Variants in GPAT3 observed in about 807,000 individuals in gnomAD.
The protein encoded by GPAT3 is glycerol-3-phosphate acyltransferase 3.
Under a neutral mutation model 58.8 loss-of-function variants are expected in GPAT3, and 53 were observed. The observed-to-expected ratio is 0.90, with a 90% CI of 0.72 to 1.13. The LOEUF is 1.13. GPAT3 is among the 50% of genes most tolerant of loss of function. The probability of loss-of-function intolerance (pLI) is 0.00; values close to 1 mark genes in which losing one functional copy is unlikely to be tolerated. For synonymous variants in GPAT3, 197 were observed against 187.4 expected (o/e 1.05, Z -0.42); for missense variants, 511 against 527.6 (o/e 0.97, Z 0.31).
chr4:83,549,540 A>G (rs962812957), intron 2 of GPAT3, among the ~76,000 whole-genome samples: 2 of 148,416 alleles, frequency 1.3e-5, no homozygotes, highest in Non-Finnish European at 3.0e-5. Flanking sequence ...ATATATTATT[A>G]TTATTTTTTT....
rs527299671 is a variant in GPAT3, at chr4:83,552,531, A to G, written c.208+7929A>G. ...GTTGATTTGGGAAGAATGGAATGAC[A>G]AAGTAAGGCATAGGTGGGGGTGCTT... On this transcript the variant is annotated intron_variant, in intron 2 of 11. Transcript: ENST00000264409. Among the ~76,000 whole-genome samples, 9 of 152,356 alleles carry G rather than the reference A, an allele frequency of 5.9e-5. No homozygotes were observed. The South Asian group carries it at 1.9e-3, about 32-fold the overall frequency.
intron 2 of GPAT3, among the ~76,000 whole-genome samples, chr4:83,570,505 C>T (rs1447091687): frequency 2.2e-5 from 3 of 135,170 alleles, no homozygotes; most frequent in South Asian, 2.3e-4. Context: ...CGGAGTCTTG[C>T]TCAGTCACTC....
rs571065419 is a variant in GPAT3 at position 83,568,262 on chromosome 4, A to T, written c.209-13300A>T. On this transcript the variant is annotated intron_variant, in intron 2 of 11. Transcript: ENST00000264409. The stretch of plus-strand genomic sequence containing the variant: ...TTTCATAACTCGAATGCTTTTTTTT[A>T]AAATAGGCAATTGTGATTGAGTCAT... Among the ~76,000 whole-genome samples, 14 of 152,174 alleles carry T rather than the reference A, an allele frequency of 9.2e-5. No homozygotes were observed. In the South Asian group the frequency reaches 2.9e-3, roughly 32 times the overall value.
chr4:83,561,480 A>T (rs1342985101), intron 2 of GPAT3, among the ~76,000 whole-genome samples: 1 of 152,088 alleles, frequency 6.6e-6, no homozygotes, highest in Non-Finnish European at 1.5e-5. Context: ...CGTTGGCACA[A>T]ACCTGCTAAA....
Position 83,544,894 on chromosome 4 carries a change from GA to G in GPAT3, c.208+303del, listed in dbSNP as rs879338292. 4.0e-3 allele frequency among the ~76,000 whole-genome samples: 553 copies of G among 138,290 alleles called. 6 individuals are homozygous for G. The highest frequency in any genetic ancestry group is 0.031 in the East Asian group (148 of 4,844). 90.7% of individuals were successfully genotyped at this position (138,290 alleles called of 152,430 possible). A position where few individuals can be genotyped will look rare whatever the true frequency, so the allele number is the denominator to read the frequency against. On this transcript the variant is annotated intron_variant, in intron 2 of 11. Transcript: ENST00000264409. ...TTAAAGATGTAGTCGATGGCCAAAA[GA>G]AAAAAAAAAAGAAAGAAAAAGGCTA...
At chr4:83,548,840 A>G (rs1724639399) in intron 2 of GPAT3, among the ~76,000 whole-genome samples, 2 of 152,076 alleles carry the variant, frequency 1.3e-5, no homozygotes, top group African/African-American at 4.8e-5. Context: ...TAAACACTCA[A>G]AAAGGAGAAG....
rs1292134071 is a variant in GPAT3 at position 83,579,048 on chromosome 4, T to A, written c.209-2514T>A. Among the ~76,000 whole-genome samples the A allele has an allele frequency of 5.5e-5, 2 of 36,098 alleles. 1 individual carries two copies. Among genetic ancestry groups the A allele is most frequent in the African/African-American group, 2.6e-4 (2 of 7,590 alleles). The allele number at this position is 36,098 out of a possible 152,430, so 23.7% of individuals were successfully genotyped here. A position where few individuals can be genotyped will look rare whatever the true frequency, so the allele number is the denominator to read the frequency against. ...TTTCTTTCTTTCTTTCTTTCTTTCT[T>A]TCTTTCTTTCTTTCTTTCTTTCTTT... On this transcript the variant is annotated intron_variant, in intron 2 of 11. Coordinates refer to ENST00000264409, the MANE Select transcript of GPAT3 (RefSeq NM_032717.5).
intron 3 of GPAT3, among the ~76,000 whole-genome samples, chr4:83,585,878 C>G (rs894099255): frequency 6.6e-6 from 1 of 152,196 alleles, no homozygotes; most frequent in Non-Finnish European, 1.5e-5. Context: ...TGAGACACTG[C>G]TTATTTCTCT....
At chr4:83,571,096 A>G (rs916718562) in intron 2 of GPAT3, among the ~76,000 whole-genome samples, 2 of 151,894 alleles carry the variant, frequency 1.3e-5, no homozygotes, top group East Asian at 3.9e-4. Context: ...TTTTGTTCCC[A>G]CTCTGTATAA....
chr4:83,594,809 C>A, intron 6 of GPAT3, 36 bp from the exon 7 acceptor site: 1 of 1,580,248 alleles, frequency 6.3e-7, no homozygotes, highest in Non-Finnish European at 8.7e-7. Flanking sequence ...ACAACGGTGC[C>A]TTTTACGTTT....
rs372711656 is a variant in GPAT3, at chr4:83,542,260, G to T, written c.142-2276G>T. On this transcript the variant is annotated intron_variant, in intron 1 of 11. Transcript: ENST00000264409. ...CAAAATTTTATTTTAATCATATCTG[G>T]TTTACTTACAAATGATAATAGGCAC... Among the ~76,000 whole-genome samples, 30 of 152,266 alleles carry T rather than the reference G, an allele frequency of 2.0e-4. 1 individual carries two copies. The South Asian group carries it at 4.6e-3, about 23-fold the overall frequency.
intron 2 of GPAT3, among the ~76,000 whole-genome samples, chr4:83,562,201 T>TATATATATATTATATATATATATA (rs1725171956): frequency 2.9e-5 from 1 of 34,404 alleles, no homozygotes. Context: ...ATATATATAA[T>TATATATATATTATATATATATATA]ATATATATAT....
Position 83,590,282 on chromosome 4 carries a change from G to A in GPAT3, c.728G>A (p.Cys243Tyr). The A allele has an allele frequency of 1.2e-6, 2 of 1,613,476 alleles. No individual in the cohort carries two copies. Among genetic ancestry groups the A allele is most frequent in the Non-Finnish European group, 1.7e-6 (2 of 1,179,534 alleles). The change falls in exon 6 of 12, where the codon TGT becomes TAT. Residue 243 changes from cysteine (C) to tyrosine (Y), a missense_variant. Cys to Tyr is a radical substitution (Grantham distance 194). Transcript: ENST00000264409. ...IDVLILTTDG[C>Y]YAMVGQVHGG... ...GTTTTAATCTTGACAACGGATGGATGTTATGCTATGGTAAGAGCAGCTCAT... is the reference window on the plus strand; with the variant it reads ...GTTTTAATCTTGACAACGGATGGATATTATGCTATGGTAAGAGCAGCTCAT...
chr4:83,581,612 C>A lies in GPAT3; in HGVS notation c.259C>A (p.Arg87=), dbSNP rs149617166. The A allele has an allele frequency of 3.1e-6, 5 of 1,614,040 alleles. No individual in the cohort carries two copies. Among genetic ancestry groups the A allele is most frequent in the South Asian group, 2.2e-5 (2 of 91,070 alleles). ...CATGGAAAAAGGGCTCTCTGGTCTA[C>A]GAGGAAGGGACTTTGAGCTGTCTGA... ...SPMEKGLSGL[R]GRDFELSDVF... Residue 87 remains arginine, a synonymous_variant, in exon 3 of 12, where the codon CGA becomes AGA. Coordinates refer to ENST00000264409, the MANE Select transcript of GPAT3 (RefSeq NM_032717.5).
chr4:83,551,712 A>G (rs1724756171), intron 2 of GPAT3, among the ~76,000 whole-genome samples: 1 of 150,578 alleles, frequency 6.6e-6, no homozygotes, highest in African/African-American at 2.5e-5. Flanking sequence ...GAATCGCTTG[A>G]ACCTGGGAGG....
Position 83,544,567 on chromosome 4 carries a change from C to T in GPAT3, c.173C>T (p.Pro58Leu). ...WATIRIEKGTPKESILKNSAS... is the reference protein window; with the variant it reads ...WATIRIEKGTLKESILKNSAS... ...ACAATACGAATTGAAAAAGGAACCC[C>T]AAAGGAGTCGATTCTTAAAAACTCT... The change falls in exon 2 of 12, where the codon CCA (proline) becomes CTA (leucine). Residue 58 changes from proline to leucine, a missense_variant. Transcript: ENST00000264409. 1 of 1,614,056 alleles carries T rather than the reference C, an allele frequency of 6.2e-7. No individual in the cohort carries two copies. Among genetic ancestry groups the T allele is most frequent in the Non-Finnish European group, 8.5e-7 (1 of 1,179,992 alleles).
chr4:83,549,065 C>T (rs565089186), intron 2 of GPAT3, among the ~76,000 whole-genome samples: 9 of 150,108 alleles, frequency 6.0e-5, no homozygotes, highest in Non-Finnish European at 8.8e-5. Context: ...AATATCAAGT[C>T]AGGTGGGATC....
chr4:83,546,192 C>A (rs1324518772), intron 2 of GPAT3, among the ~76,000 whole-genome samples: 1 of 152,034 alleles, frequency 6.6e-6, no homozygotes, highest in African/African-American at 2.4e-5. Flanking sequence ...ACCATGTTGG[C>A]CAGGCTGGTC....
chr4:83,580,352 T>G (rs1726062347), intron 2 of GPAT3, among the ~76,000 whole-genome samples: 1 of 152,230 alleles, frequency 6.6e-6, no homozygotes, highest in Non-Finnish European at 1.5e-5. Context: ...AGTTTTAGAT[T>G]CCGTCTTTTC....
Sources: gnomAD v4.1 joint callset for allele counts (sites outside exome capture counted in the v4.1 genomes callset) on GRCh38, gnomAD v4.1.1 for gene constraint, MANE v1.5 for transcripts, NCBI Gene and HGNC (gene_info 2026-07-23, HGNC 2026-07-21) for gene names.